STK39: variants seen among roughly 807,000 people sequenced by gnomAD.
STK39 encodes STE20/SPS1-related proline-alanine-rich protein kinase.
A neutral mutation model predicts 77.8 loss-of-function variants in STK39; 20 were observed. That is an observed-to-expected ratio of 0.26 (90% CI 0.18 to 0.37). The LOEUF (loss-of-function observed/expected upper bound fraction) is 0.37. Ranked by LOEUF, STK39 falls within the 10% of genes least tolerant of loss-of-function variation. The pLI is 1.00. For synonymous variants in STK39, 246 were observed against 234.1 expected (o/e 1.05, Z -0.47); for missense variants, 479 against 656.5 (o/e 0.73, Z 2.95).
chr2:168,048,291 C>A (rs1041992846), intron 14 of STK39, among the ~76,000 whole-genome samples: 2 of 151,592 alleles, frequency 1.3e-5, no homozygotes, highest in African/African-American at 4.9e-5. Context: ...CGGCTCACTG[C>A]AACCTCCGCC....
intron 17 of STK39, among the ~76,000 whole-genome samples, chr2:167,958,807 C>A (rs1691856517): frequency 6.6e-6 from 1 of 152,178 alleles, no homozygotes. Context: ...TACCCTGTTA[C>A]CTTAAAATCT....
rs537020998 is a variant in STK39 at position 168,194,978 on chromosome 2, A to G, written c.209-12888T>C. The stretch of plus-strand genomic sequence containing the variant: ...AAGCAGATGGAGAGCTGCTTAGGAT[A>G]GCATGAGTTTCAATATGACTTACAG... On this transcript the variant is annotated intron_variant, in intron 1 of 17. Transcript: ENST00000355999. Among the ~76,000 whole-genome samples the G allele has an allele frequency of 1.1e-3, 163 of 152,370 alleles. 1 individual carries two copies. The Middle Eastern group carries it at 0.024, about 22-fold the overall frequency.
Position 167,955,237 on chromosome 2 carries a change from C to A in STK39, c.*259G>T. ...ATTAAATAGCTTTTGGAAAAATGAG[C>A]AACAGTCGTGCAGCTGTGGCATTTG... On this transcript the variant is annotated 3_prime_UTR_variant, in exon 18 of 18. Transcript: ENST00000355999. 1 of 291,248 alleles carries A rather than the reference C, an allele frequency of 3.4e-6. No individual in the cohort carries two copies. Among genetic ancestry groups the A allele is most frequent in the Non-Finnish European group, 6.4e-6 (1 of 155,362 alleles). The allele number at this position is 291,248 out of a possible 1,614,324, so 18.0% of individuals were successfully genotyped here.
At chr2:168,140,606 T>C (rs1177870618) in intron 6 of STK39, 43 bp downstream of exon 6, 5 of 1,464,398 alleles carry the variant, frequency 3.4e-6, no homozygotes, top group Non-Finnish European at 4.7e-6. Flanking sequence ...ATCTGTACGA[T>C]TGTACTATGT....
In STK39 at chr2:167,954,783, A is replaced by G. The variant is rs201907740; in HGVS notation, c.*713T>C. On this transcript the variant is annotated 3_prime_UTR_variant, in exon 18 of 18. Transcript: ENST00000355999. ...TTTAGGCAAACAGACTAAAAGAATA[A>G]GCATCCAAATTCCTAATTCAGTCAT... 6.6e-6 allele frequency: 1 copy of G among 152,652 alleles called. No individual in the cohort carries two copies. Among genetic ancestry groups the G allele is most frequent in the African/African-American group, 2.4e-5 (1 of 41,454 alleles). 9.5% of individuals were successfully genotyped at this position (152,652 alleles called of 1,614,324 possible). A position where few individuals can be genotyped will look rare whatever the true frequency, so the allele number is the denominator to read the frequency against.
chr2:168,217,225 G>A (rs1690046440), intron 1 of STK39, among the ~76,000 whole-genome samples: 1 of 152,096 alleles, frequency 6.6e-6, no homozygotes. Context: ...AATTCCTTAA[G>A]TCACACAGGG....
At chr2:168,222,737 C>T (rs1351568530) in intron 1 of STK39, among the ~76,000 whole-genome samples, 4 of 152,084 alleles carry the variant, frequency 2.6e-5, no homozygotes, top group East Asian at 3.9e-4. Flanking sequence ...TATTGCATGA[C>T]GGTGAATTCT....
At chr2:168,063,428 A>G (rs1451965382) in intron 14 of STK39, 72 bp downstream of exon 14, 5 of 1,309,440 alleles carry the variant, frequency 3.8e-6, no homozygotes, top group East Asian at 4.7e-5. Flanking sequence ...ATATTATGAA[A>G]GGTTAACGAA....
intron 1 of STK39, among the ~76,000 whole-genome samples, chr2:168,197,146 C>T (rs1055191474): frequency 2.6e-5 from 4 of 152,044 alleles, no homozygotes; most frequent in Admixed American, 1.3e-4. Flanking sequence ...CATGAATCAA[C>T]GATGGCAAGT....
intron 1 of STK39, among the ~76,000 whole-genome samples, chr2:168,184,213 C>A (rs188074134): frequency 6.6e-6 from 1 of 152,274 alleles, no homozygotes; most frequent in Non-Finnish European, 1.5e-5. Flanking sequence ...TCCTAACCTC[C>A]AAGGAACAAA....
At chr2:168,081,335 G>A (rs1374926922) in intron 10 of STK39, among the ~76,000 whole-genome samples, 1 of 152,208 alleles carries the variant, frequency 6.6e-6, no homozygotes, top group African/African-American at 2.4e-5. Flanking sequence ...GAGACATGGA[G>A]TCAAAGGAGA....
rs578073425 is a variant in STK39, at chr2:167,968,924, C to T, written c.1499-4198G>A. ...CACCCCATTATTTTCCCTAAATCTC[C>T]AGGCTCTTATCTTCATGGGATGCAC... On this transcript the variant is annotated intron_variant, in intron 16 of 17. Coordinates refer to ENST00000355999, the MANE Select transcript of STK39 (RefSeq NM_013233.3). Among the ~76,000 whole-genome samples the T allele has an allele frequency of 2.6e-5, 4 of 152,258 alleles. No individual in the cohort carries two copies. In the South Asian group the frequency reaches 8.3e-4, roughly 32 times the overall value.
chr2:167,986,474 C>T (rs1316838700), intron 16 of STK39, among the ~76,000 whole-genome samples: 1 of 152,112 alleles, frequency 6.6e-6, no homozygotes, highest in African/African-American at 2.4e-5. Context: ...ACCACAAGTT[C>T]CTCACGTGCA....
intron 1 of STK39, among the ~76,000 whole-genome samples, chr2:168,224,347 G>A (rs1487220493): frequency 6.6e-6 from 1 of 151,956 alleles, no homozygotes. Context: ...AAATAAAAAA[G>A]GATAAACAAG....
At chr2:168,035,469 T>C (rs1316728074) in intron 14 of STK39, among the ~76,000 whole-genome samples, 1 of 152,226 alleles carries the variant, frequency 6.6e-6, no homozygotes, top group Non-Finnish European at 1.5e-5. Context: ...ATACAAACTG[T>C]ACCTTTTTAA....
intron 17 of STK39, among the ~76,000 whole-genome samples, chr2:167,956,699 CT>C: frequency 9.9e-5 from 3 of 30,238 alleles, no homozygotes; most frequent in Admixed American, 3.4e-4. Context: ...CACACACACT[CT>C]CTCTCTCTCT....
intron 17 of STK39, among the ~76,000 whole-genome samples, chr2:167,956,229 T>G (rs1691758817): frequency 6.6e-6 from 1 of 152,212 alleles, no homozygotes; most frequent in Admixed American, 6.5e-5. Context: ...AAATACTTTA[T>G]TTTTCTTACT....
intron 14 of STK39, among the ~76,000 whole-genome samples, chr2:168,053,049 T>C (rs528119382): frequency 4.6e-5 from 7 of 152,334 alleles, no homozygotes; most frequent in Admixed American, 2.0e-4. Context: ...TTCAGGCTTC[T>C]CAAAGTCTAA....
chr2:167,986,873 C>G (rs1164429126), intron 16 of STK39, among the ~76,000 whole-genome samples: 1 of 152,066 alleles, frequency 6.6e-6, no homozygotes. Context: ...AGACGAGTCA[C>G]AAGCAATCAA....
Sources: allele counts gnomAD v4.1 joint callset (sites outside exome capture counted in the v4.1 genomes callset), GRCh38; gene constraint gnomAD v4.1.1; transcripts MANE v1.5; gene names NCBI Gene and HGNC (gene_info 2026-07-23, HGNC 2026-07-21).